The following PLA2G4A variants were observed in gnomAD, a reference collection of about 807,000 sequenced individuals.
The protein encoded by PLA2G4A is cytosolic phospholipase A2.
In PLA2G4A, 40 loss-of-function variants were observed where a neutral mutation model predicts 81.9. The ratio of observed to expected loss-of-function variants is 0.49; its 90% CI spans 0.38 to 0.64. The LOEUF is 0.64. PLA2G4A is among the 30% of genes least tolerant of loss of function. The pLI is 0.00. For synonymous variants in PLA2G4A, 302 were observed against 296.9 expected, an observed-to-expected ratio of 1.02 and a Z score of -0.18; for missense variants, 715 against 905.1, an observed-to-expected ratio of 0.79 and a Z score of 2.69.
chr1:186,937,146 G>A (rs906768413), intron 8 of PLA2G4A, among the ~76,000 whole-genome samples: 1 of 151,476 alleles, frequency 6.6e-6, no homozygotes, highest in Non-Finnish European at 1.5e-5. Context: ...CATAAATGCT[G>A]AACAAGCAGA....
chr1:186,864,194 C>G (rs941871050), intron 2 of PLA2G4A, among the ~76,000 whole-genome samples: 14 of 152,160 alleles, frequency 9.2e-5, no homozygotes, highest in East Asian at 3.9e-4. Flanking sequence ...TTTATCCATT[C>G]ATCCATTGAT....
chr1:186,937,481 A>T (rs1655994314), intron 8 of PLA2G4A, among the ~76,000 whole-genome samples: 1 of 152,010 alleles, frequency 6.6e-6, no homozygotes, highest in African/African-American at 2.4e-5. Context: ...AGTTGAGTTG[A>T]GCAAGTCTAT....
At chr1:186,980,427 G>T (rs1422807610) in intron 17 of PLA2G4A, among the ~76,000 whole-genome samples, 1 of 152,118 alleles carries the variant, frequency 6.6e-6, no homozygotes, top group East Asian at 1.9e-4. Flanking sequence ...TTGACTTGTG[G>T]TTCCAAATCA....
chr1:186,956,363 T>C lies in PLA2G4A; in HGVS notation c.1579+19T>C, dbSNP rs757492874. The C allele has an allele frequency of 1.3e-5, 21 of 1,607,890 alleles. No homozygotes were observed. The Middle Eastern group carries it at 4.9e-4, about 38-fold the overall frequency. On this transcript the variant is annotated intron_variant, in intron 14 of 17. Coordinates refer to ENST00000367466, the MANE Select transcript of PLA2G4A (RefSeq NM_024420.3). ...GTAGCAGGTAAGTGTACAAATATAA[T>C]TAGTGGGAGCTAATGCAGGAGATCT...
At chr1:186,886,098 A>G (rs1222814656) in intron 3 of PLA2G4A, among the ~76,000 whole-genome samples, 1 of 152,160 alleles carries the variant, frequency 6.6e-6, no homozygotes, top group Non-Finnish European at 1.5e-5. Flanking sequence ...GTGTGGAAAT[A>G]AAGCAACTGC....
intron 16 of PLA2G4A, among the ~76,000 whole-genome samples, 169 bp downstream of exon 16, chr1:186,977,957 C>T (rs1168269743): frequency 6.6e-6 from 1 of 152,184 alleles, no homozygotes; most frequent in Non-Finnish European, 1.5e-5. Flanking sequence ...TCTCCTCTTT[C>T]TTACCCCAAG....
intron 10 of PLA2G4A, among the ~76,000 whole-genome samples, chr1:186,940,332 G>T (rs949688163): frequency 6.6e-6 from 1 of 152,140 alleles, no homozygotes; most frequent in Non-Finnish European, 1.5e-5. Flanking sequence ...AAAAATCATG[G>T]ATACAATCAA....
intron 7 of PLA2G4A, among the ~76,000 whole-genome samples, chr1:186,923,787 G>A (rs907781612): frequency 6.6e-6 from 1 of 152,208 alleles, no homozygotes; most frequent in South Asian, 2.1e-4. Flanking sequence ...TTGGGAGAAC[G>A]TGCCTTGCAA....
chr1:186,918,914 G>T (rs1655244513), intron 7 of PLA2G4A, among the ~76,000 whole-genome samples: 1 of 152,228 alleles, frequency 6.6e-6, no homozygotes. Context: ...TCTGCTTCTT[G>T]TGCTAACAGG....
intron 2 of PLA2G4A, 134 bp from the exon 3 acceptor site, chr1:186,870,301 C>G (rs1302712664): frequency 2.9e-6 from 2 of 692,904 alleles, no homozygotes; most frequent in Non-Finnish European, 2.6e-6. Context: ...AAAAAAGAAG[C>G]AGCCTTACAT....
At position 186,955,988 on chromosome 1, in the gene PLA2G4A, C is replaced by T. The variant is rs1656736400; in HGVS notation, c.1337-114C>T. 6 of 847,654 alleles carry T rather than the reference C, an allele frequency of 7.1e-6. No individual in the cohort carries two copies. In the Admixed American group the frequency reaches 1.1e-4, roughly 15 times the overall value. 52.5% of individuals were successfully genotyped at this position (847,654 alleles called of 1,614,324 possible). A position where few individuals can be genotyped will look rare whatever the true frequency, so the allele number is the denominator to read the frequency against. On this transcript the variant is annotated intron_variant, in intron 13 of 17. Coordinates refer to ENST00000367466, the MANE Select transcript of PLA2G4A (RefSeq NM_024420.3). ...ATCTCTTGACCTCATGATCCGCCCG[C>T]CTTGGCCTCCCAAAGTGCTAGGATT...
chr1:186,838,863 C>CA (rs574973995), intron 1 of PLA2G4A, among the ~76,000 whole-genome samples: 1 of 151,866 alleles, frequency 6.6e-6, no homozygotes, highest in African/African-American at 2.4e-5. Flanking sequence ...ATAGACCATC[C>CA]AAAAAAAGGA....
At chr1:186,904,635 T>G (rs1490069748) in intron 5 of PLA2G4A, among the ~76,000 whole-genome samples, 1 of 152,210 alleles carries the variant, frequency 6.6e-6, no homozygotes, top group East Asian at 1.9e-4. Flanking sequence ...GCCTGTAACA[T>G]TCAAAATGGC....
At chr1:186,912,766 GTATATATATATGTATACT>G (rs1250377960) in intron 7 of PLA2G4A, among the ~76,000 whole-genome samples, 1 of 100,678 alleles carries the variant, frequency 9.9e-6, no homozygotes, top group Non-Finnish European at 1.8e-5. Context: ...ATATACATAA[GTATATATATATGTATACT>G]TATATATATA....
At chr1:186,915,473 C>G (rs1374096576) in intron 7 of PLA2G4A, among the ~76,000 whole-genome samples, 1 of 152,100 alleles carries the variant, frequency 6.6e-6, no homozygotes, top group Non-Finnish European at 1.5e-5. Context: ...TTGTATGATT[C>G]TCTCAGGGGG....
chr1:186,971,907 C>G (rs1340735427), intron 15 of PLA2G4A, among the ~76,000 whole-genome samples: 1 of 151,946 alleles, frequency 6.6e-6, no homozygotes, highest in Non-Finnish European at 1.5e-5. Context: ...AAATAATTTC[C>G]TATTTTTGAG....
intron 17 of PLA2G4A, among the ~76,000 whole-genome samples, chr1:186,981,367 C>G (rs1657713043): frequency 6.6e-6 from 1 of 152,036 alleles, no homozygotes; most frequent in South Asian, 2.1e-4. Flanking sequence ...AGGAATGATA[C>G]AGTTTTATTT....
rs191607644 is a variant in PLA2G4A at position 186,932,469 on chromosome 1, T to A, written c.559-294T>A. On this transcript the variant is annotated intron_variant, in intron 7 of 17. Transcript: ENST00000367466. ...CGCCAGCACACCCAGCTACTTTTTA[T>A]TTTGTGTTTTTTGTAGAGATGGGGT... Among the ~76,000 whole-genome samples, 222 of 151,970 alleles carry A rather than the reference T, an allele frequency of 1.5e-3. 1 individual carries two copies. The highest frequency in any genetic ancestry group is 3.9e-3 in the Admixed American group (60 of 15,246).
At chr1:186,836,548 A>G (rs1170331464) in intron 1 of PLA2G4A, among the ~76,000 whole-genome samples, 1 of 152,158 alleles carries the variant, frequency 6.6e-6, no homozygotes, top group Non-Finnish European at 1.5e-5. Context: ...ATTTTTTAAT[A>G]CTTAGAAAAA....
Sources: gnomAD v4.1 joint callset for allele counts (sites outside exome capture counted in the v4.1 genomes callset) on GRCh38, gnomAD v4.1.1 for gene constraint, MANE v1.5 for transcripts, NCBI Gene and HGNC (gene_info 2026-07-23, HGNC 2026-07-21) for gene names.